LNX1: variants seen among roughly 807,000 people sequenced by gnomAD.
LNX1 encodes E3 ubiquitin-protein ligase LNX.
LNX1 carries 54 observed loss-of-function variants against 68.4 expected under a neutral mutation model. The observed-to-expected ratio is 0.79, with a 90% CI of 0.63 to 0.99. LNX1 has a LOEUF of 0.99. Among genes scored for constraint, LNX1 ranks in the 50% least tolerant of loss-of-function variants. The probability of loss-of-function intolerance (pLI) is 0.00; values close to 1 mark genes in which losing one functional copy is unlikely to be tolerated. For missense variants in LNX1, 906 were observed against 926.4 expected (o/e 0.98, Z 0.29); for synonymous variants, 336 against 350.0 (o/e 0.96, Z 0.45).
intron 1 of LNX1, among the ~76,000 whole-genome samples, chr4:53,650,407 A>T (rs1449759925): frequency 6.6e-6 from 1 of 152,150 alleles, no homozygotes; most frequent in African/African-American, 2.4e-5. Flanking sequence ...ATGGCAGTTG[A>T]TGACATTTGG....
chr4:53,610,095 C>T (rs1247072804), intron 2 of LNX1, among the ~76,000 whole-genome samples: 1 of 151,928 alleles, frequency 6.6e-6, no homozygotes, highest in Non-Finnish European at 1.5e-5. Flanking sequence ...AATAAACCTC[C>T]ATATTCCTGA....
intron 1 of LNX1, among the ~76,000 whole-genome samples, chr4:53,580,503 G>T (rs1019870035): frequency 6.6e-6 from 1 of 152,198 alleles, no homozygotes. Flanking sequence ...CCACTTTCTT[G>T]CAGCAATAGC....
intron 9 of LNX1, among the ~76,000 whole-genome samples, chr4:53,465,572 A>G (rs1326674847): frequency 1.3e-5 from 2 of 152,244 alleles, no homozygotes; most frequent in East Asian, 1.9e-4. Flanking sequence ...CTGCACCAGC[A>G]TAACATACCC....
chr4:53,568,402 A>G (rs563536434), intron 2 of LNX1, among the ~76,000 whole-genome samples: 1,730 of 152,150 alleles, frequency 0.011, 27 homozygotes, highest in African/African-American at 0.039. Context: ...AAACCACATG[A>G]TTATCTCAAT....
intron 2 of LNX1, among the ~76,000 whole-genome samples, chr4:53,523,992 C>T (rs1727432013): frequency 6.6e-6 from 1 of 152,146 alleles, no homozygotes. Context: ...GGCTGGTCAG[C>T]CTAGTCTTAA....
intron 2 of LNX1, chr4:53,538,998 A>C (rs1560653155): frequency 6.6e-6 from 1 of 152,230 alleles, no homozygotes; most frequent in Non-Finnish European, 1.5e-5. Context: ...GTTGAAGGGG[A>C]TCCAGAAGGA....
chr4:53,468,675 A>G (rs1476255568), intron 9 of LNX1, among the ~76,000 whole-genome samples: 5 of 152,246 alleles, frequency 3.3e-5, no homozygotes, highest in South Asian at 4.2e-4. Context: ...ACAAAAAAAG[A>G]CAGGGGTTGC....
Position 53,496,885 on chromosome 4 carries a change from G to C in LNX1, c.979-491C>G, listed in dbSNP as rs144748793. Among the ~76,000 whole-genome samples, 74 of 152,242 alleles carry C rather than the reference G, an allele frequency of 4.9e-4. 1 individual carries two copies. The East Asian group carries it at 0.013, about 27-fold the overall frequency. ...ACCAGAACTTCCAGTCCTCACCACT[G>C]TGTGTGTATGTAGATGTGATAGTGT... On this transcript the variant is annotated intron_variant, in intron 5 of 10. Coordinates refer to ENST00000263925, the MANE Select transcript of LNX1 (RefSeq NM_001126328.3).
intron 1 of LNX1, chr4:53,652,059 G>GAC (rs1735129122): frequency 4.0e-5 from 6 of 148,812 alleles, no homozygotes; most frequent in Non-Finnish European, 7.4e-5. Context: ...GAGAGAGAGA[G>GAC]AGACAGAGAA....
intron 1 of LNX1, among the ~76,000 whole-genome samples, chr4:53,650,284 G>T (rs1735047067): frequency 6.6e-6 from 1 of 152,214 alleles, no homozygotes; most frequent in Admixed American, 6.5e-5. Flanking sequence ...GGGTGTGGAG[G>T]ACATACGGTA....
In LNX1 at chr4:53,638,088, C is replaced by A. The variant is rs1165058396; in HGVS notation, c.-215+14080G>T. On this transcript the variant is annotated intron_variant, in intron 1 of 2. Transcript: ENST00000507168. The stretch of plus-strand genomic sequence containing the variant: ...GGAAATATGAATGACCACTTGCTTC[C>A]TGTCATCATGATATACTGCATTAAT... Among the ~76,000 whole-genome samples the A allele has an allele frequency of 2.6e-5, 4 of 152,270 alleles. No individual in the cohort carries two copies. The East Asian group carries it at 7.7e-4, about 29-fold the overall frequency.
At chr4:53,610,715 G>GGAAAAA (rs1733452932) in intron 2 of LNX1, among the ~76,000 whole-genome samples, 1 of 112,542 alleles carries the variant, frequency 8.9e-6, no homozygotes, top group Non-Finnish European at 1.7e-5. Flanking sequence ...TCTCAAAGAG[G>GGAAAAA]AAAAAAAAAA....
At chr4:53,562,419 C>T (rs1560667450) in intron 2 of LNX1, among the ~76,000 whole-genome samples, 1 of 152,248 alleles carries the variant, frequency 6.6e-6, no homozygotes, top group Non-Finnish European at 1.5e-5. Flanking sequence ...AAGTTTCCAA[C>T]TGCTAGCTCC....
chr4:53,518,060 G>A (rs1577647346), intron 2 of LNX1, among the ~76,000 whole-genome samples: 1 of 152,116 alleles, frequency 6.6e-6, no homozygotes, highest in Non-Finnish European at 1.5e-5. Context: ...ACTTGTTAAT[G>A]AACACCAGAC....
At chr4:53,601,578 G>C (rs765257343) in intron 2 of LNX1, among the ~76,000 whole-genome samples, 13 of 152,196 alleles carry the variant, frequency 8.5e-5, no homozygotes, top group Non-Finnish European at 1.6e-4. Flanking sequence ...GCGTGAGCCT[G>C]GTAGCAAGCC....
chr4:53,506,375 T>C (rs1004640916), intron 4 of LNX1, among the ~76,000 whole-genome samples: 2 of 152,162 alleles, frequency 1.3e-5, no homozygotes, highest in Non-Finnish European at 2.9e-5. Flanking sequence ...TAACATAAAA[T>C]GCAAAGACAG....
rs780104294 is a variant in LNX1 at position 53,573,773 on chromosome 4, A to G, written c.230T>C (p.Met77Thr). ...CTGCAGAACCAGAGGCTTGCGGTCC[A>G]TGGGACAGAAGTCCTTCTCCACCAG... ...NFLVEKDFCP[M>T]DRKPLVLQHC... is the part of the protein sequence containing the mutation. Residue 77 changes from methionine to threonine, a missense_variant, in exon 2 of 11, where the codon ATG (methionine) becomes ACG (threonine). Transcript: ENST00000263925. 4 of 1,612,014 alleles carry G rather than the reference A, an allele frequency of 2.5e-6. No individual in the cohort carries two copies. In the African/African-American group the frequency reaches 5.3e-5, roughly 22 times the overall value.
intron 4 of LNX1, among the ~76,000 whole-genome samples, chr4:53,504,008 G>A (rs560466820): frequency 2.6e-5 from 4 of 152,212 alleles, no homozygotes; most frequent in South Asian, 4.1e-4. Flanking sequence ...AGTGGTGCAC[G>A]CCTGTAATCC....
chr4:53,561,512 C>T (rs1178903794), intron 2 of LNX1, among the ~76,000 whole-genome samples: 1 of 152,156 alleles, frequency 6.6e-6, no homozygotes, highest in Non-Finnish European at 1.5e-5. Flanking sequence ...AAGCTTGAGC[C>T]ACTGTGCCTG....
Sources: gnomAD v4.1 joint callset for allele counts (sites outside exome capture counted in the v4.1 genomes callset) on GRCh38, gnomAD v4.1.1 for gene constraint, MANE v1.5 for transcripts, NCBI Gene and HGNC (gene_info 2026-07-23, HGNC 2026-07-21) for gene names.